PHACTR1: variants seen among roughly 807,000 people sequenced by gnomAD.
PHACTR1 encodes the protein RPEL repeat containing 1.
In PHACTR1, 16 loss-of-function variants were observed where a neutral mutation model predicts 69.2. The observed-to-expected ratio is 0.23, with a 90% CI of 0.16 to 0.35. The LOEUF is 0.35. Among genes scored for constraint, PHACTR1 ranks in the 10% least tolerant of loss-of-function variants. The pLI is 1.00. For synonymous variants in PHACTR1, 312 were observed against 284.5 expected (o/e 1.10, Z -0.97); for missense variants, 510 against 734.7 (o/e 0.69, Z 3.54).
At chr6:13,022,599 T>C (rs1348194999) in intron 4 of PHACTR1, among the ~76,000 whole-genome samples, 1 of 152,054 alleles carries the variant, frequency 6.6e-6, no homozygotes, top group Non-Finnish European at 1.5e-5. Flanking sequence ...AACTGCAGAC[T>C]TAAGTTGTCA....
intron 8 of PHACTR1, among the ~76,000 whole-genome samples, chr6:13,226,302 T>C (rs887750677): frequency 4.6e-5 from 7 of 152,224 alleles, no homozygotes; most frequent in Non-Finnish European, 8.8e-5. Flanking sequence ...TAATTGAATT[T>C]ACATTAGGCA....
chr6:12,719,648 G>T (rs1019307923), intron 3 of PHACTR1, among the ~76,000 whole-genome samples: 5 of 152,334 alleles, frequency 3.3e-5, no homozygotes, highest in Admixed American at 2.6e-4. Context: ...AAATAGAAAA[G>T]CAGTTGAATT....
intron 5 of PHACTR1, among the ~76,000 whole-genome samples, chr6:13,133,366 G>A (rs1206391050): frequency 2.0e-5 from 3 of 151,152 alleles, no homozygotes; most frequent in South Asian, 2.1e-4. Flanking sequence ...CTGTAATGCC[G>A]CCATCTCGGC....
chr6:12,843,443 G>A (rs1301921691), intron 4 of PHACTR1, among the ~76,000 whole-genome samples: 1 of 152,072 alleles, frequency 6.6e-6, no homozygotes, highest in Non-Finnish European at 1.5e-5. Flanking sequence ...CCCAGAGAGT[G>A]GAAAATAGCA....
rs111831453 is a variant in PHACTR1, at chr6:12,806,400, T to G, written c.250+56610T>G. On this transcript the variant is annotated intron_variant, in intron 4 of 14. Coordinates refer to ENST00000332995, the MANE Select transcript of PHACTR1 (RefSeq NM_030948.6). ...TGAGGCACTTTTGTAAAGACTTTAA[T>G]TTCACTTCCCTTCCTTTTAGGTCAC... Among the ~76,000 whole-genome samples the G allele has an allele frequency of 6.3e-3, 952 of 152,318 alleles. 6 individuals carry two copies. The highest frequency in any genetic ancestry group is 0.01 in the Non-Finnish European group (682 of 68,028).
intron 5 of PHACTR1, among the ~76,000 whole-genome samples, chr6:13,082,548 G>C (rs1434463094): frequency 6.6e-6 from 1 of 152,164 alleles, no homozygotes; most frequent in South Asian, 2.1e-4. Flanking sequence ...GGTTGAACTA[G>C]TTTACAGTCC....
At chr6:12,828,713 A>C (rs1050885092) in intron 4 of PHACTR1, among the ~76,000 whole-genome samples, 3 of 152,044 alleles carry the variant, frequency 2.0e-5, no homozygotes, top group Non-Finnish European at 2.9e-5. Flanking sequence ...TGTAATAAAC[A>C]AAAACCGACC....
At chr6:12,719,003 G>C (rs537486627) in intron 3 of PHACTR1, among the ~76,000 whole-genome samples, 156 bp downstream of exon 3, 2 of 152,176 alleles carry the variant, frequency 1.3e-5, no homozygotes, top group African/African-American at 2.4e-5. Flanking sequence ...AATTGAGGCA[G>C]GTATATAATA....
intron 4 of PHACTR1, among the ~76,000 whole-genome samples, chr6:13,009,453 C>T (rs1799195619): frequency 6.6e-6 from 1 of 152,124 alleles, no homozygotes; most frequent in South Asian, 2.1e-4. Flanking sequence ...TATTTGAGTA[C>T]ACTTCCATTG....
Position 13,283,579 on chromosome 6 carries a change from G to A in PHACTR1, c.1650+17G>A, listed in dbSNP as rs1780782145. On this transcript the variant is annotated intron_variant, in intron 13 of 14. Coordinates refer to ENST00000332995, the MANE Select transcript of PHACTR1 (RefSeq NM_030948.6). The surrounding 1 kb of genome is among the most constrained non-coding windows in gnomAD (Gnocchi z 4.7). ...GCAGACAAAGTAAGCAGAGGGGAGTGCTGGAGAGTGGGAGGCAGGACCGTC... is the reference window on the plus strand; with the variant it reads ...GCAGACAAAGTAAGCAGAGGGGAGTACTGGAGAGTGGGAGGCAGGACCGTC... The A allele has an allele frequency of 6.2e-7, 1 of 1,613,586 alleles. No homozygotes were observed. Among genetic ancestry groups the A allele is most frequent in the South Asian group, 1.1e-5 (1 of 91,086 alleles).
intron 4 of PHACTR1, among the ~76,000 whole-genome samples, chr6:13,052,806 C>T (rs1000327711): frequency 1.3e-5 from 2 of 152,104 alleles, no homozygotes; most frequent in East Asian, 1.9e-4. Context: ...ACTCCAAAAT[C>T]GATCAGTAAT....
intron 3 of PHACTR1, among the ~76,000 whole-genome samples, chr6:12,739,452 T>C (rs1764749462): frequency 2.6e-5 from 4 of 152,218 alleles, no homozygotes; most frequent in Admixed American, 2.6e-4. Flanking sequence ...ACTGTGGTTT[T>C]CTAAGTATTA....
chr6:13,109,347 A>T (rs1816655544), intron 5 of PHACTR1, among the ~76,000 whole-genome samples: 1 of 151,994 alleles, frequency 6.6e-6, no homozygotes, highest in Non-Finnish European at 1.5e-5. Flanking sequence ...AAATTGTTAT[A>T]ACTTTTGTTT....
intron 7 of PHACTR1, among the ~76,000 whole-genome samples, chr6:13,205,492 G>A (rs1426010697): frequency 6.6e-6 from 1 of 152,198 alleles, no homozygotes; most frequent in African/African-American, 2.4e-5. Flanking sequence ...GTGTCCATGA[G>A]CAGAAGAGCT....
intron 6 of PHACTR1, among the ~76,000 whole-genome samples, chr6:13,177,172 T>TAA (rs530741132): frequency 0.075 from 4,740 of 63,202 alleles, 405 homozygotes; most frequent in East Asian, 0.11. Context: ...ACCCCATCTC[T>TAA]AAAAAAAAAA....
chr6:13,118,464 C>A (rs562811818), intron 5 of PHACTR1, among the ~76,000 whole-genome samples: 2 of 147,380 alleles, frequency 1.4e-5, no homozygotes, highest in African/African-American at 5.0e-5. Context: ...CTTGCCCAAC[C>A]AGGGCCATTT....
In PHACTR1 at chr6:13,253,563, A is replaced by T. The variant is rs561823417; in HGVS notation, c.1392-19297A>T. 2.6e-5 allele frequency among the ~76,000 whole-genome samples: 4 copies of T among 152,332 alleles called. No homozygotes were observed. The East Asian group carries it at 5.8e-4, about 22-fold the overall frequency. On this transcript the variant is annotated intron_variant, in intron 10 of 14. Transcript: ENST00000332995. ...CTTGCCCCACAGTTCTGTAATCATC[A>T]GAAGCAACACTGCTTAGAGAAGTAA...
chr6:13,239,028 C>A (rs560786101), intron 10 of PHACTR1, among the ~76,000 whole-genome samples: 1 of 152,174 alleles, frequency 6.6e-6, no homozygotes, highest in African/African-American at 2.4e-5. Flanking sequence ...CCTCCTCATC[C>A]TCATCTTCAT....
intron 4 of PHACTR1, among the ~76,000 whole-genome samples, chr6:12,848,504 T>A (rs538943503): frequency 2.0e-5 from 3 of 152,342 alleles, no homozygotes; most frequent in African/African-American, 7.2e-5. Context: ...AGACTTTTAT[T>A]TGGAAATGTA....
Sources: gnomAD v4.1 joint callset for allele counts (sites outside exome capture counted in the v4.1 genomes callset) on GRCh38, gnomAD v4.1.1 for gene constraint, Gnocchi (gnomAD v3.1) non-coding constraint, MANE v1.5 for transcripts, NCBI Gene and HGNC (gene_info 2026-07-23, HGNC 2026-07-21) for gene names.